Variants in SLC44A5 observed in about 807,000 individuals in gnomAD.
SLC44A5 encodes the protein choline transporter-like protein 5.
A neutral mutation model predicts 101.8 loss-of-function variants in SLC44A5; 57 were observed. The ratio of observed to expected loss-of-function variants is 0.56; its 90% confidence interval spans 0.45 to 0.70. SLC44A5 has a LOEUF of 0.70. Among genes scored for constraint, SLC44A5 ranks in the 30% least tolerant of loss-of-function variants. SLC44A5 has a pLI of 0.00. For synonymous variants in SLC44A5, 281 were observed against 290.9 expected (o/e 0.97, Z 0.35); for missense variants, 737 against 853.1 (o/e 0.86, Z 1.70).
the SLC44A5 span, among the ~76,000 whole-genome samples, chr1:75,704,370 T>TC: frequency 2.0e-5 from 3 of 152,006 alleles, no homozygotes; most frequent in African/African-American, 7.3e-5. Flanking sequence ...ATACCTGTAA[T>TC]CCTAGCACTT....
intron 2 of SLC44A5, among the ~76,000 whole-genome samples, chr1:75,494,131 C>T (rs566807649): frequency 6.6e-6 from 1 of 152,278 alleles, no homozygotes; most frequent in East Asian, 1.9e-4. Context: ...AGTGTGGCCC[C>T]ATTTTGTCTC....
chr1:75,493,201 C>A (rs552141037), intron 2 of SLC44A5, among the ~76,000 whole-genome samples: 1 of 152,214 alleles, frequency 6.6e-6, no homozygotes, highest in African/African-American at 2.4e-5. Flanking sequence ...TTTTAAGCTA[C>A]TTTGCAGATT....
chr1:75,488,790 G>A (rs1021635591), intron 2 of SLC44A5, among the ~76,000 whole-genome samples: 4 of 152,168 alleles, frequency 2.6e-5, no homozygotes, highest in African/African-American at 7.2e-5. Context: ...GTTCTGTGGT[G>A]AAATAACCTG....
rs78327822 is a variant in SLC44A5 at position 75,226,028 on chromosome 1, G to C, written c.985+1698C>G. ...AATAATAGACAACAGTAAGCAGGTT[G>C]CTGAAGAGATGTGGAATCATTTAAA... On this transcript the variant is annotated intron_variant, in intron 13 of 23. Coordinates refer to ENST00000370859, the MANE Select transcript of SLC44A5 (RefSeq NM_001130058.2). Among the ~76,000 whole-genome samples the C allele has an allele frequency of 5.9e-3, 898 of 152,276 alleles. 10 individuals are homozygous for C. Among genetic ancestry groups the C allele is most frequent in the African/African-American group, 0.021 (868 of 41,550 alleles).
the SLC44A5 span, among the ~76,000 whole-genome samples, chr1:75,621,827 A>G: frequency 6.6e-6 from 1 of 152,126 alleles, no homozygotes; most frequent in African/African-American, 2.4e-5. Flanking sequence ...TAGAAATAAT[A>G]GTTGAAAGAG....
chr1:75,384,790 T>C (rs1339295299), intron 3 of SLC44A5, among the ~76,000 whole-genome samples: 1 of 145,996 alleles, frequency 6.8e-6, no homozygotes, highest in Non-Finnish European at 1.5e-5. Flanking sequence ...ATTCCAAAAT[T>C]GACCACATAC....
chr1:75,446,653 C>T (rs970091332), intron 2 of SLC44A5, among the ~76,000 whole-genome samples: 1 of 104,038 alleles, frequency 9.6e-6, no homozygotes, highest in Non-Finnish European at 2.2e-5. Flanking sequence ...TGGCTATACA[C>T]ACACACACAC....
chr1:75,685,703 T>C, the SLC44A5 span, among the ~76,000 whole-genome samples: 1 of 152,180 alleles, frequency 6.6e-6, no homozygotes, highest in Non-Finnish European at 1.5e-5. Context: ...TCCCACACTT[T>C]TCTTTCTTCT....
Position 75,214,649 on chromosome 1 carries a change from C to T in SLC44A5, c.1758G>A (p.Arg586=). 1 of 1,611,654 alleles carries T rather than the reference C, an allele frequency of 6.2e-7. No homozygotes were observed. Among genetic ancestry groups the T allele is most frequent in the African/African-American group, 1.3e-5 (1 of 75,000 alleles). Residue 586 remains arginine, a synonymous_variant, in exon 20 of 24, where the codon AGG becomes AGA. Coordinates refer to ENST00000370859, the MANE Select transcript of SLC44A5 (RefSeq NM_001130058.2). ...GCAGATTGAAAGCATCTTTTGCTGA[C>T]CTGCAGAAGTTTCTGCCATATATTG... The part of the protein sequence containing the change: ...MIAIYGRNFC[R]SAKDAFNLLM...
the SLC44A5 span, chr1:75,677,966 G>C: frequency 5.1e-6 from 1 of 196,230 alleles, no homozygotes; most frequent in Admixed American, 5.7e-5. Flanking sequence ...CAAGGGGTCA[G>C]GGAGTTCCCT....
At chr1:75,612,132 A>G (rs1675682415), upstream of SLC44A5, among the ~76,000 whole-genome samples, 2 of 152,176 alleles carry the variant, frequency 1.3e-5, no homozygotes. Flanking sequence ...TCTGGTGAAT[A>G]GCAAGAGAAA....
At chr1:75,703,227 A>G in the SLC44A5 span, among the ~76,000 whole-genome samples, 1 of 151,834 alleles carries the variant, frequency 6.6e-6, no homozygotes, top group East Asian at 1.9e-4. Flanking sequence ...TTATTGTGGC[A>G]CTATTCACAA....
At chr1:75,538,190 C>T (rs1778444) in intron 2 of SLC44A5, 141,033 of 152,258 alleles carry the variant, frequency 0.93, 66,228 homozygotes, top group East Asian at 1. Flanking sequence ...ATGAGTTATG[C>T]TTATCTTAGG....
the SLC44A5 span, among the ~76,000 whole-genome samples, chr1:75,676,894 A>T: frequency 6.6e-6 from 1 of 152,230 alleles, no homozygotes; most frequent in East Asian, 1.9e-4. Flanking sequence ...AACAAGTAAT[A>T]TAAAATGGAG....
intron 3 of SLC44A5, among the ~76,000 whole-genome samples, chr1:75,362,354 TC>T (rs796913246): frequency 6.6e-5 from 10 of 152,092 alleles, no homozygotes; most frequent in African/African-American, 2.4e-4. Flanking sequence ...GTTCTTCTTT[TC>T]CTACTTTTGT....
chr1:75,375,786 G>A (rs563214313), intron 3 of SLC44A5, among the ~76,000 whole-genome samples: 60 of 152,260 alleles, frequency 3.9e-4, no homozygotes, highest in African/African-American at 1.4e-3. Context: ...AATTTTTCCC[G>A]AACAAGCAAT....
At chr1:75,431,548 A>T (rs370793291) in intron 2 of SLC44A5, among the ~76,000 whole-genome samples, 1 of 152,324 alleles carries the variant, frequency 6.6e-6, no homozygotes, top group East Asian at 1.9e-4. Context: ...TAACAGACTC[A>T]TATGTGACCT....
chr1:75,630,092 G>C, the SLC44A5 span, among the ~76,000 whole-genome samples: 2 of 152,186 alleles, frequency 1.3e-5, no homozygotes, highest in African/African-American at 2.4e-5. Flanking sequence ...TCTGTGGGGA[G>C]GAGGGTAAGA....
At chr1:75,364,742 C>T (rs545898718) in intron 3 of SLC44A5, among the ~76,000 whole-genome samples, 11 of 152,030 alleles carry the variant, frequency 7.2e-5, no homozygotes, top group Admixed American at 3.3e-4. Flanking sequence ...GATGGTTTCC[C>T]GTAACTCCCA....
Sources: gnomAD v4.1 joint callset for allele counts (sites outside exome capture counted in the v4.1 genomes callset) on GRCh38, gnomAD v4.1.1 for gene constraint, MANE v1.5 for transcripts, NCBI Gene and HGNC (gene_info 2026-07-23, HGNC 2026-07-21) for gene names.